Variants in MBD5 observed in about 807,000 individuals in gnomAD.
The protein encoded by MBD5 is methyl-CpG binding domain protein 5.
A neutral mutation model predicts 117.3 loss-of-function variants in MBD5; 13 were observed. That is an observed-to-expected ratio of 0.11 (90% CI 0.07 to 0.18). The LOEUF (loss-of-function observed/expected upper bound fraction) is 0.18, where lower values mean the gene tolerates loss of function less well. MBD5 is among the 10% of genes least tolerant of loss of function. The pLI is 1.00. For missense variants in MBD5, 1,879 were observed against 2,093.8 expected (o/e 0.90, Z 2.00); for synonymous variants, 727 against 766.4 (o/e 0.95, Z 0.85).
intron 2 of MBD5, among the ~76,000 whole-genome samples, chr2:148,204,398 A>G (rs1446738781): frequency 1.3e-5 from 2 of 152,204 alleles, no homozygotes; most frequent in African/African-American, 4.8e-5. Context: ...ACACAAAAGA[A>G]AACCAAAAGA....
At chr2:148,042,311 T>C (rs560162019) in intron 1 of MBD5, among the ~76,000 whole-genome samples, 2 of 152,286 alleles carry the variant, frequency 1.3e-5, no homozygotes, top group African/African-American at 4.8e-5. Context: ...TTAGTGCCTA[T>C]ATAACATTTT....
intron 2 of MBD5, among the ~76,000 whole-genome samples, chr2:148,187,241 G>A (rs1698684035): frequency 6.6e-6 from 1 of 151,744 alleles, no homozygotes; most frequent in South Asian, 2.1e-4. Flanking sequence ...CTAAAAACGA[G>A]TAAGTAAAGT....
chr2:148,376,528 A>G (rs1179533647), intron 4 of MBD5, among the ~76,000 whole-genome samples: 3 of 150,202 alleles, frequency 2.0e-5, no homozygotes, highest in Admixed American at 6.7e-5. Context: ...CTGCCTCCCA[A>G]AGTGCTGGGA....
chr2:148,116,073 G>A lies in MBD5; in HGVS notation c.-924-62627G>A, dbSNP rs564662660. Among the ~76,000 whole-genome samples the A allele has an allele frequency of 1.1e-4, 17 of 152,008 alleles. No homozygotes were observed. The East Asian group carries it at 3.3e-3, about 29-fold the overall frequency. ...TGACCAGGCTGGTCTCAAACTCCTA[G>A]GCTCAAGCCATCCGCCTGCCTCAAC... On this transcript the variant is annotated intron_variant, in intron 1 of 13. Coordinates refer to ENST00000642680, the MANE Select transcript of MBD5 (RefSeq NM_001378120.1).
At chr2:148,509,519 TGCGTCAGA>T (rs1682148644) in intron 12 of MBD5, among the ~76,000 whole-genome samples, 1 of 152,164 alleles carries the variant, frequency 6.6e-6, no homozygotes, top group African/African-American at 2.4e-5. Flanking sequence ...GAGCCTCAGG[TGCGTCAGA>T]GTTAAGCTGT....
chr2:148,172,106 C>G (rs1262121067), intron 1 of MBD5, among the ~76,000 whole-genome samples: 1 of 152,222 alleles, frequency 6.6e-6, no homozygotes, highest in African/African-American at 2.4e-5. Context: ...AATGGCCTGT[C>G]TGGAACTGCC....
At chr2:148,056,750 A>G (rs1201980761) in intron 1 of MBD5, among the ~76,000 whole-genome samples, 2 of 151,980 alleles carry the variant, frequency 1.3e-5, no homozygotes, top group African/African-American at 4.8e-5. Context: ...GCCCTTTTTA[A>G]AAAATGAGTC....
intron 1 of MBD5, among the ~76,000 whole-genome samples, chr2:148,036,178 C>T (rs1414271986): frequency 6.6e-6 from 1 of 151,904 alleles, no homozygotes; most frequent in East Asian, 1.9e-4. Context: ...TTTGTTGTTT[C>T]TCATAAAGAA....
At chr2:148,384,932 C>T (rs893759188) in intron 4 of MBD5, among the ~76,000 whole-genome samples, 5 of 151,940 alleles carry the variant, frequency 3.3e-5, no homozygotes, top group African/African-American at 1.2e-4. Context: ...AAACTGAATC[C>T]CTTCCTTACA....
intron 1 of MBD5, among the ~76,000 whole-genome samples, chr2:148,081,280 A>G (rs1425115078): frequency 6.6e-6 from 1 of 152,190 alleles, no homozygotes; most frequent in Non-Finnish European, 1.5e-5. Context: ...GTCTTTTAAA[A>G]TTGTTATATC....
chr2:148,100,952 A>G (rs1264989266), intron 1 of MBD5, among the ~76,000 whole-genome samples: 4 of 152,182 alleles, frequency 2.6e-5, no homozygotes. Context: ...TTTGTAAAGT[A>G]CAACTTGCAC....
chr2:148,111,431 C>A (rs1356552700), intron 1 of MBD5, among the ~76,000 whole-genome samples: 1 of 151,882 alleles, frequency 6.6e-6, no homozygotes, highest in Non-Finnish European at 1.5e-5. Flanking sequence ...TGTGAAAAAC[C>A]AAACAAGATT....
chr2:148,151,505 T>C (rs1318830943), intron 1 of MBD5, among the ~76,000 whole-genome samples: 1 of 152,384 alleles, frequency 6.6e-6, no homozygotes, highest in Non-Finnish European at 1.5e-5. Context: ...TGGAATAGTT[T>C]CCGAAGGAAT....
chr2:148,302,866 C>T (rs1024048009), intron 3 of MBD5, among the ~76,000 whole-genome samples: 11 of 151,478 alleles, frequency 7.3e-5, no homozygotes, highest in South Asian at 2.1e-4. Flanking sequence ...TTTGAAAGCA[C>T]GGTTGCTTTC....
chr2:148,234,747 A>G (rs1411582643), intron 3 of MBD5, among the ~76,000 whole-genome samples: 1 of 152,182 alleles, frequency 6.6e-6, no homozygotes, highest in Non-Finnish European at 1.5e-5. Flanking sequence ...CCAATTTAGT[A>G]TAACAGCTCT....
At chr2:148,354,869 TC>T (rs1219380857) in intron 4 of MBD5, among the ~76,000 whole-genome samples, 2 of 152,212 alleles carry the variant, frequency 1.3e-5, no homozygotes, top group African/African-American at 2.4e-5. Context: ...AAGCTTTTTT[TC>T]ATACGTTTGT....
chr2:148,294,751 A>ACACCT (rs1255409908), intron 3 of MBD5, among the ~76,000 whole-genome samples: 1 of 151,434 alleles, frequency 6.6e-6, no homozygotes, highest in African/African-American at 2.4e-5. Context: ...AGTGATCTGC[A>ACACCT]CACCTCTGCC....
intron 3 of MBD5, among the ~76,000 whole-genome samples, chr2:148,245,860 G>T (rs1311992848): frequency 6.6e-6 from 1 of 152,114 alleles, no homozygotes; most frequent in Non-Finnish European, 1.5e-5. Context: ...AAACTAAGAG[G>T]ATACAGTTTT....
intron 1 of MBD5, among the ~76,000 whole-genome samples, chr2:148,048,091 T>C (rs1371666999): frequency 6.6e-6 from 1 of 152,150 alleles, no homozygotes; most frequent in Non-Finnish European, 1.5e-5. Context: ...TAAACTTTGG[T>C]GATGATTAAT....
Sources: gnomAD v4.1 joint callset for allele counts (sites outside exome capture counted in the v4.1 genomes callset) on GRCh38, gnomAD v4.1.1 for gene constraint, MANE v1.5 for transcripts, NCBI Gene and HGNC (gene_info 2026-07-23, HGNC 2026-07-21) for gene names.